The following DGKB variants were observed in gnomAD, a reference collection of about 807,000 sequenced individuals.
The protein encoded by DGKB is 90 kDa diacylglycerol kinase.
DGKB carries 67 observed loss-of-function variants against 114.3 expected under a neutral mutation model. That is an observed-to-expected ratio of 0.59 (90% CI 0.48 to 0.72). The LOEUF is 0.72. Ranked by LOEUF, DGKB falls within the 30% of genes least tolerant of loss-of-function variation. The pLI is 0.00. For missense variants in DGKB, 907 were observed against 975.2 expected (o/e 0.93, Z 0.93); for synonymous variants, 398 against 323.1 (o/e 1.23, Z -2.49).
chr7:14,855,593 G>C (rs1264965485), intron 1 of DGKB, among the ~76,000 whole-genome samples: 1 of 152,048 alleles, frequency 6.6e-6, no homozygotes, highest in East Asian at 1.9e-4. Context: ...GTCAGATGCT[G>C]ATTCAGCATT....
At chr7:14,933,403 T>C (rs1343621804) in intron 1 of DGKB, among the ~76,000 whole-genome samples, 1 of 152,168 alleles carries the variant, frequency 6.6e-6, no homozygotes, top group Non-Finnish European at 1.5e-5. Flanking sequence ...ATTCTCCCTT[T>C]GCCCCCAATT....
chr7:14,274,961 GTGTGTGTGTGTGTT>G (rs1798779188), intron 23 of DGKB, among the ~76,000 whole-genome samples: 1 of 147,078 alleles, frequency 6.8e-6, no homozygotes, highest in Non-Finnish European at 1.5e-5. Context: ...GTGTGTGTGT[GTGTGTGTGTGTGTT>G]TGTGTGTGCG....
intron 1 of DGKB, among the ~76,000 whole-genome samples, chr7:14,862,612 A>T (rs1851148530): frequency 6.6e-6 from 1 of 152,096 alleles, no homozygotes; most frequent in Non-Finnish European, 1.5e-5. Context: ...GGAGTTCAAT[A>T]AAGGAGCCTC....
chr7:14,497,226 T>A (rs1035628568), intron 20 of DGKB, among the ~76,000 whole-genome samples: 1 of 151,732 alleles, frequency 6.6e-6, no homozygotes, highest in Non-Finnish European at 1.5e-5. Context: ...AAAAAATGCC[T>A]ATTGCATATG....
intron 21 of DGKB, among the ~76,000 whole-genome samples, chr7:14,414,026 G>T (rs1825309179): frequency 1.3e-5 from 2 of 152,042 alleles, no homozygotes; most frequent in South Asian, 4.2e-4. Context: ...ACAAATTGTT[G>T]TACATTTTTT....
intron 13 of DGKB, among the ~76,000 whole-genome samples, chr7:14,657,338 G>C (rs1188066831): frequency 6.6e-6 from 1 of 151,736 alleles, no homozygotes; most frequent in Non-Finnish European, 1.5e-5. Flanking sequence ...AATTGAGTCT[G>C]AGTTAGATTT....
intron 20 of DGKB, among the ~76,000 whole-genome samples, chr7:14,552,280 G>A (rs1340001392): frequency 6.6e-6 from 1 of 151,976 alleles, no homozygotes; most frequent in Non-Finnish European, 1.5e-5. Context: ...TAGACAATAC[G>A]CATTTGTGGA....
intron 12 of DGKB, 76 bp from the exon 13 acceptor site, chr7:14,673,103 G>T: frequency 1.3e-6 from 1 of 786,902 alleles, no homozygotes. Context: ...TATTTCAATC[G>T]AGATACAGCA....
intron 1 of DGKB, among the ~76,000 whole-genome samples, chr7:14,926,500 G>GTTTTTT (rs1290223781): frequency 7.3e-6 from 1 of 137,652 alleles, no homozygotes; most frequent in African/African-American, 2.6e-5. Context: ...AGTGTTTTTT[G>GTTTTTT]TTTTTTTTTT....
chr7:14,279,019 T>C (rs57338232), intron 23 of DGKB, among the ~76,000 whole-genome samples: 7,697 of 152,128 alleles, frequency 0.051, 626 homozygotes, highest in African/African-American at 0.17. Context: ...GGTCAGTGGG[T>C]GCACGCACCG....
intron 1 of DGKB, among the ~76,000 whole-genome samples, chr7:14,898,127 A>C (rs1038025881): frequency 5.9e-5 from 9 of 152,008 alleles, no homozygotes; most frequent in African/African-American, 2.2e-4. Context: ...TAGATACCTC[A>C]AAGTGTCATG....
chr7:14,242,197 C>A (rs1305382943), intron 23 of DGKB, among the ~76,000 whole-genome samples: 1 of 152,166 alleles, frequency 6.6e-6, no homozygotes, highest in Non-Finnish European at 1.5e-5. Context: ...AGACCAGTCT[C>A]CAGTGGTTAC....
chr7:14,464,417 AAAGT>A (rs879683544), intron 21 of DGKB, among the ~76,000 whole-genome samples: 9 of 152,328 alleles, frequency 5.9e-5, no homozygotes, highest in East Asian at 1.9e-4. Flanking sequence ...AGTAAGATGA[AAAGT>A]AAGTAAACAA....
chr7:14,205,725 A>G (rs1409820563), intron 23 of DGKB, among the ~76,000 whole-genome samples: 1 of 151,862 alleles, frequency 6.6e-6, no homozygotes, highest in African/African-American at 2.4e-5. Context: ...TGGCCCCACA[A>G]GGCATTTGTG....
rs571771815 is a variant in DGKB at position 14,970,880 on chromosome 7, A to G, written c.-188+3816T>C. On this transcript the variant is annotated intron_variant, in intron 1 of 4. Coordinates refer to the DGKB transcript ENST00000437998. The stretch of plus-strand genomic sequence containing the variant: ...ACGGCAGGCTGGAGTGCAGATGGAC[A>G]GCGTACACTAGGATGGCACAGATAC... Among the ~76,000 whole-genome samples the G allele has an allele frequency of 5.9e-5, 9 of 152,300 alleles. No homozygotes were observed. The East Asian group carries it at 1.4e-3, about 23-fold the overall frequency.
chr7:14,423,310 A>G (rs1368802213), intron 21 of DGKB, among the ~76,000 whole-genome samples: 5 of 152,072 alleles, frequency 3.3e-5, no homozygotes, highest in Non-Finnish European at 5.9e-5. Context: ...GTAAGATTTA[A>G]AAAATGGCTC....
intron 23 of DGKB, among the ~76,000 whole-genome samples, chr7:14,268,228 CA>C (rs1797794447): frequency 6.6e-6 from 1 of 151,588 alleles, no homozygotes; most frequent in Non-Finnish European, 1.5e-5. Context: ...CACACACACA[CA>C]CCACACACAC....
chr7:14,970,957 C>G (rs967400731), intron 1 of DGKB, among the ~76,000 whole-genome samples: 1 of 152,076 alleles, frequency 6.6e-6, no homozygotes, highest in East Asian at 1.9e-4. Flanking sequence ...AATTCTTGAA[C>G]CATTTTTTTG....
At chr7:14,537,527 C>T (rs1792707632) in intron 20 of DGKB, among the ~76,000 whole-genome samples, 1 of 152,070 alleles carries the variant, frequency 6.6e-6, no homozygotes, top group Non-Finnish European at 1.5e-5. Context: ...CAAGAATACA[C>T]AACAGAGTAA....
Sources: gnomAD v4.1 joint callset for allele counts (sites outside exome capture counted in the v4.1 genomes callset) on GRCh38, gnomAD v4.1.1 for gene constraint, MANE v1.5 for transcripts, NCBI Gene and HGNC (gene_info 2026-07-23, HGNC 2026-07-21) for gene names.